The following MYH9 variants were observed in gnomAD, a reference collection of about 807,000 sequenced individuals.
MYH9 encodes the protein myosin heavy chain 9, also known as myosin-9.
In MYH9, 29 loss-of-function variants were observed where a neutral mutation model predicts 241.9. The observed-to-expected ratio is 0.12, with a 90% confidence interval of 0.09 to 0.16. The LOEUF is 0.16. Among genes scored for constraint, MYH9 ranks in the 10% least tolerant of loss-of-function variants. MYH9 has a pLI of 1.00. For missense variants in MYH9, 1,803 were observed against 2,595.5 expected, an observed-to-expected ratio of 0.69 and a Z score of 6.63; for synonymous variants, 1,047 against 1,062.6, an observed-to-expected ratio of 0.99 and a Z score of 0.29.
chr22:36,299,787 CAG>C (rs1322351675), intron 23 of MYH9, among the ~76,000 whole-genome samples: 5 of 152,232 alleles, frequency 3.3e-5, no homozygotes, highest in Non-Finnish European at 7.3e-5. Flanking sequence ...TATCTCAACA[CAG>C]AGCCACCAAG....
chr22:36,298,856 C>A, intron 24 of MYH9, 63 bp downstream of exon 24: 3 of 1,604,702 alleles, frequency 1.9e-6, no homozygotes, highest in Non-Finnish European at 2.5e-6. Flanking sequence ...ACAGGCCGGC[C>A]CCTGACCGCC....
intron 3 of MYH9, among the ~76,000 whole-genome samples, chr22:36,333,529 A>G (rs983762332): frequency 6.6e-6 from 1 of 152,228 alleles, no homozygotes; most frequent in Non-Finnish European, 1.5e-5. Flanking sequence ...TGGGGTCTCA[A>G]GAGTTTATGG....
Position 36,305,778 on chromosome 22 carries a change from A to AG in MYH9, c.2159+151dup. 2.8e-6 allele frequency: 3 copies of AG among 1,064,590 alleles called. No homozygotes were observed. Among genetic ancestry groups the AG allele is most frequent in the Middle Eastern group, 5.9e-4 (2 of 3,418 alleles). The allele number at this position is 1,064,590 out of a possible 1,614,324, so 65.9% of individuals were successfully genotyped here. A position where few individuals can be genotyped will look rare whatever the true frequency, so the allele number is the denominator to read the frequency against. On this transcript the variant is annotated intron_variant, in intron 17 of 40. Coordinates refer to ENST00000216181, the MANE Select transcript of MYH9 (RefSeq NM_002473.6). The surrounding 1 kb of genome is among the most constrained non-coding windows in gnomAD (Gnocchi z 4.7). ...CCTGCAAAGGGTGGAAAAGAGAAGGAGGTGGGGAAGAGCTGGCCAGACTCA... is the reference window on the plus strand; with the variant it reads ...CCTGCAAAGGGTGGAAAAGAGAAGGAGGGTGGGGAAGAGCTGGCCAGACTCA...
intron 1 of MYH9, among the ~76,000 whole-genome samples, chr22:36,369,811 G>T (rs1306538761): frequency 6.6e-6 from 1 of 152,210 alleles, no homozygotes; most frequent in Non-Finnish European, 1.5e-5. Flanking sequence ...GCCTGAAAAT[G>T]AGGAGCTGGG....
chr22:36,287,658 C>T (rs537175853), intron 34 of MYH9, among the ~76,000 whole-genome samples: 9 of 152,308 alleles, frequency 5.9e-5, no homozygotes, highest in South Asian at 4.1e-4. Flanking sequence ...AGGAGAATGG[C>T]GTGAACCCGG....
At position 36,366,312 on chromosome 22, in the gene MYH9, C is replaced by T. The variant is rs1220626852; in HGVS notation, c.-19-17057G>A. On this transcript the variant is annotated intron_variant, in intron 1 of 40. Coordinates refer to ENST00000216181, the MANE Select transcript of MYH9 (RefSeq NM_002473.6). ...TTATCTACGCTAGGAAGGAGAGGAACGATCTGCCTAAGATCACATAGCCAG... is the reference window on the plus strand; with the variant it reads ...TTATCTACGCTAGGAAGGAGAGGAATGATCTGCCTAAGATCACATAGCCAG... 2.6e-5 allele frequency among the ~76,000 whole-genome samples: 4 copies of T among 151,938 alleles called. No homozygotes were observed. The South Asian group carries it at 6.2e-4, about 24-fold the overall frequency.
At position 36,331,695 on chromosome 22, in the gene MYH9, G is replaced by A. The variant is rs148425415; in HGVS notation, c.491-4207C>T. Among the ~76,000 whole-genome samples, 1,262 of 152,336 alleles carry A rather than the reference G, an allele frequency of 8.3e-3. 12 individuals carry two copies. The highest frequency in any genetic ancestry group is 9.6e-3 in the Non-Finnish European group (650 of 68,034). On this transcript the variant is annotated intron_variant, in intron 3 of 40. Coordinates refer to ENST00000216181, the MANE Select transcript of MYH9 (RefSeq NM_002473.6). Reference sequence around the variant, plus strand: ...GGGGCCTGCTTCACCAGCAGCCACTGCTGGGACTGACTCATCACCCAGCTC... The same window carrying A: ...GGGGCCTGCTTCACCAGCAGCCACTACTGGGACTGACTCATCACCCAGCTC...
chr22:36,290,726 A>C (rs1249431563), intron 31 of MYH9, among the ~76,000 whole-genome samples: 13 of 132,780 alleles, frequency 9.8e-5, no homozygotes, highest in East Asian at 2.3e-4. Context: ...GGCCGCCATC[A>C]CATCTAGGAA....
At position 36,306,444 on chromosome 22, in the gene MYH9, G is replaced by A. The variant is rs2016971493; in HGVS notation, c.2007C>T (p.Val669=). ...ATLRNTNPNF[V]RCIIPNHEKK... is the part of the protein sequence containing the mutation. ...TCTCGTGGTTGGGGATGATGCAGCG[G>A]ACAAAGTTGGGGTTCGTGTTCCTCA... The change falls in exon 16 of 41, where the codon GTC becomes GTT. Residue 669 remains valine (V), a synonymous_variant. Coordinates refer to ENST00000216181, the MANE Select transcript of MYH9 (RefSeq NM_002473.6). The surrounding 1 kb of genome is among the most constrained non-coding windows in gnomAD (Gnocchi z 4.1). The A allele has an allele frequency of 1.9e-6, 3 of 1,614,138 alleles. No homozygotes were observed. The East Asian group carries it at 6.7e-5, about 36-fold the overall frequency.
At chr22:36,372,629 C>T (rs995779757) in intron 1 of MYH9, among the ~76,000 whole-genome samples, 2 of 152,050 alleles carry the variant, frequency 1.3e-5, no homozygotes, top group Non-Finnish European at 1.5e-5. Flanking sequence ...AAACCTCAAA[C>T]CCGAGAGGCC....
At chr22:36,344,589 G>A (rs752209204) in intron 2 of MYH9, among the ~76,000 whole-genome samples, 22 of 152,250 alleles carry the variant, frequency 1.4e-4, no homozygotes, top group Admixed American at 9.8e-4. Flanking sequence ...ATGCTTAGAA[G>A]AAGGCTGGTG....
chr22:36,384,242 G>A (rs2018303657), intron 1 of MYH9, among the ~76,000 whole-genome samples: 1 of 151,628 alleles, frequency 6.6e-6, no homozygotes, highest in South Asian at 2.1e-4. Flanking sequence ...CTGCACTCTA[G>A]CCTGGGCGAG....
intron 11 of MYH9, 79 bp downstream of exon 11, chr22:36,318,128 C>T: frequency 1.6e-6 from 2 of 1,278,326 alleles, no homozygotes; most frequent in Non-Finnish European, 1.1e-6. Flanking sequence ...CCCAGGATGG[C>T]CCACAACAGC....
At chr22:36,292,467 C>T (rs1053976000) in intron 30 of MYH9, among the ~76,000 whole-genome samples, 1 of 152,228 alleles carries the variant, frequency 6.6e-6, no homozygotes, top group African/African-American at 2.4e-5. Flanking sequence ...GGCTGACCCC[C>T]AGGCCCGCTG....
chr22:36,351,772 T>C (rs2017768591), intron 1 of MYH9, among the ~76,000 whole-genome samples: 1 of 151,828 alleles, frequency 6.6e-6, no homozygotes, highest in South Asian at 2.1e-4. Context: ...GATAACTCCA[T>C]GAATAGCAGA....
rs2146371708 is a variant in MYH9 at position 36,329,066 on chromosome 22, A to C, written c.491-1578T>G. 1 of 152,408 alleles carries C rather than the reference A, an allele frequency of 6.6e-6. No homozygotes were observed. Among genetic ancestry groups the C allele is most frequent in the South Asian group, 2.1e-4 (1 of 4,812 alleles). The allele number at this position is 152,408 out of a possible 1,614,324, so 9.4% of individuals were successfully genotyped here. A position where few individuals can be genotyped will look rare whatever the true frequency, so the allele number is the denominator to read the frequency against. ...GGAAGCCCAGACAGAAAGAAGAAAA[A>C]ACAAACCTCACACCCAACACCAATG... On this transcript the variant is annotated intron_variant, in intron 3 of 40. Coordinates refer to ENST00000216181, the MANE Select transcript of MYH9 (RefSeq NM_002473.6). This position sits in a 1 kb window ranked among gnomAD's most constrained non-coding sequence, Gnocchi z 4.1.
intron 24 of MYH9, among the ~76,000 whole-genome samples, chr22:36,297,717 A>C (rs1464746512): frequency 6.6e-6 from 1 of 152,228 alleles, no homozygotes; most frequent in African/African-American, 2.4e-5. Flanking sequence ...CCCGTCCTGC[A>C]GCTGGCGGGC....
intron 31 of MYH9, among the ~76,000 whole-genome samples, chr22:36,290,084 G>C (rs146255413): frequency 1.2e-3 from 186 of 152,220 alleles, no homozygotes; most frequent in Admixed American, 3.9e-3. Context: ...GCTGCTCTCA[G>C]ATCTTTTGGA....
Position 36,294,310 on chromosome 22 carries a change from G to A in MYH9, c.3631-12C>T, listed in dbSNP as rs2016755676. The stretch of plus-strand genomic sequence containing the variant: ...AGGTTTGCTTTCACCTAGCAGGGAA[G>A]AAAGCAAAGACGTGAGTGGGGGCCT... On this transcript the variant is annotated splice_polypyrimidine_tract_variant and intron_variant, in intron 27 of 40. Coordinates refer to ENST00000216181, the MANE Select transcript of MYH9 (RefSeq NM_002473.6). The A allele has an allele frequency of 6.2e-7, 1 of 1,612,798 alleles. No individual in the cohort carries two copies. Among genetic ancestry groups the A allele is most frequent in the African/African-American group, 1.3e-5 (1 of 74,940 alleles).
Sources: gnomAD v4.1 joint callset for allele counts (sites outside exome capture counted in the v4.1 genomes callset) on GRCh38, gnomAD v4.1.1 for gene constraint, Gnocchi (gnomAD v3.1) non-coding constraint, MANE v1.5 for transcripts, NCBI Gene and HGNC (gene_info 2026-07-23, HGNC 2026-07-21) for gene names.